CEP170B: variants seen among roughly 807,000 people sequenced by gnomAD.
CEP170B encodes the protein centrosomal protein of 170 kDa protein B.
In CEP170B, 55 loss-of-function variants were observed where a neutral mutation model predicts 120.6. That is an observed-to-expected ratio of 0.46 (90% confidence interval 0.37 to 0.57). The LOEUF (loss-of-function observed/expected upper bound fraction) is 0.57. Among genes scored for constraint, CEP170B ranks in the 20% least tolerant of loss-of-function variants. The probability of loss-of-function intolerance (pLI) is 0.00; values close to 1 mark genes in which losing one functional copy is unlikely to be tolerated. For missense variants in CEP170B, 2,212 were observed against 2,253.3 expected (o/e 0.98, Z 0.37); for synonymous variants, 1,033 against 954.5 (o/e 1.08, Z -1.52).
Position 104,872,357 on chromosome 14 carries a change from TGCC to T in CEP170B, c.105+3805_105+3807del, listed in dbSNP as rs1329440742. On this transcript the variant is annotated intron_variant, in intron 2 of 18. Coordinates refer to ENST00000414716, the MANE Select transcript of CEP170B (RefSeq NM_001112726.3). ...GGGTGTGCGTGTGTGTGCGTGTGTG[TGCC>T]GCGTGTGTGTGCCATGGGTGTGCAT... Among the ~76,000 whole-genome samples the T allele has an allele frequency of 7.1e-4, 61 of 85,668 alleles. 2 individuals are homozygous for T. Among genetic ancestry groups the T allele is most frequent in the Middle Eastern group, 8.2e-3 (1 of 122 alleles). The allele number at this position is 85,668 out of a possible 152,430, so 56.2% of individuals were successfully genotyped here. A position where few individuals can be genotyped will look rare whatever the true frequency, so the allele number is the denominator to read the frequency against.
Position 104,868,657 on chromosome 14 carries a change from G to T in CEP170B, c.105+102G>T. Reference sequence around the variant, plus strand: ...CCCACTTGCTGCAGGCCACCCTGGCGAGGAGGCCGCCATGCAGCCCAGGCT... The same window carrying T: ...CCCACTTGCTGCAGGCCACCCTGGCTAGGAGGCCGCCATGCAGCCCAGGCT... On this transcript the variant is annotated intron_variant, in intron 2 of 18. Coordinates refer to ENST00000414716, the MANE Select transcript of CEP170B (RefSeq NM_001112726.3). This position sits in a 1 kb window ranked among gnomAD's most constrained non-coding sequence, Gnocchi z 5.9. 2 of 1,147,516 alleles carry T rather than the reference G, an allele frequency of 1.7e-6. No individual in the cohort carries two copies. The highest frequency in any genetic ancestry group is 2.5e-6 in the Non-Finnish European group (2 of 816,304). The allele number at this position is 1,147,516 out of a possible 1,614,324, so 71.1% of individuals were successfully genotyped here.
At position 104,889,630 on chromosome 14, in the gene CEP170B, C is replaced by T; in HGVS notation, c.3750C>T (p.Thr1250=). The T allele has an allele frequency of 3.1e-6, 5 of 1,611,496 alleles. No homozygotes were observed. The highest frequency in any genetic ancestry group is 4.2e-6 in the Non-Finnish European group (5 of 1,179,752). ...CCCACACCTCAACAGCCACTCAGACCCCGAGGGCTGGCAGCTCCAGCCGGG... is the reference window on the plus strand; with the variant it reads ...CCCACACCTCAACAGCCACTCAGACTCCGAGGGCTGGCAGCTCCAGCCGGG... ...GSARYTSTTQ[T]PRAGSSSRAR... is the part of the protein sequence containing the mutation. The change falls in exon 13 of 19, where the codon ACC becomes ACT. Residue 1250 remains threonine, a synonymous_variant. Transcript: ENST00000414716.
Position 104,887,140 on chromosome 14 carries a change from C to G in CEP170B, c.2901C>G (p.Gly967=), listed in dbSNP as rs1308157889. The stretch of plus-strand genomic sequence containing the variant: ...CCAGCACCGTCAGCCTGCGTAGTGG[C>G]AAGAGCGGGCCCAGCCCCACAACCC... ...DTASTVSLRS[G]KSGPSPTTPQ... is the part of the protein sequence containing the mutation. Residue 967 remains glycine, a synonymous_variant, in exon 12 of 19, where the codon GGC becomes GGG. Transcript: ENST00000414716. 1 of 1,609,804 alleles carries G rather than the reference C, an allele frequency of 6.2e-7. No homozygotes were observed. Among genetic ancestry groups the G allele is most frequent in the African/African-American group, 1.3e-5 (1 of 74,914 alleles).
chr14:104,876,197 C>T, intron 2 of CEP170B, 59 bp from the exon 3 acceptor site: 1 of 1,504,632 alleles, frequency 6.6e-7, no homozygotes, highest in Middle Eastern at 1.7e-4. Flanking sequence ...GGTGCCTCTG[C>T]CTCTTGGGTG....
intron 15 of CEP170B, 25 bp from the exon 16 acceptor site, chr14:104,893,736 C>A: frequency 6.3e-7 from 1 of 1,596,784 alleles, no homozygotes; most frequent in Non-Finnish European, 8.5e-7. Context: ...GAGGGCGGGG[C>A]CATGCTGAGG....
chr14:104,894,073 G>A (rs1370286609), intron 16 of CEP170B: 4 of 651,640 alleles, frequency 6.1e-6, no homozygotes, highest in African/African-American at 5.4e-5. Context: ...TTCTCCCCTA[G>A]CCCTCATCCC....
chr14:104,868,400 C>T lies in CEP170B; in HGVS notation c.-27-24C>T. On this transcript the variant is annotated intron_variant, in intron 1 of 18. Transcript: ENST00000414716. The surrounding 1 kb of genome is among the most constrained non-coding windows in gnomAD (Gnocchi z 5.9). ...CTAAGAACCAGGCCAGGGAGCCCCA[C>T]TCTAACAATCCCCTCTTCCCCAGGG... The T allele has an allele frequency of 1.3e-6, 2 of 1,511,118 alleles. No homozygotes were observed. Among genetic ancestry groups the T allele is most frequent in the East Asian group, 2.5e-5 (1 of 40,712 alleles). 93.6% of individuals were successfully genotyped at this position (1,511,118 alleles called of 1,614,324 possible). A position where few individuals can be genotyped will look rare whatever the true frequency, so the allele number is the denominator to read the frequency against.
At chr14:104,877,860 C>CCG (rs1895944211) in intron 3 of CEP170B, 25 bp from the exon 4 acceptor site, 1 of 1,110,442 alleles carries the variant, frequency 9.0e-7, no homozygotes, top group Non-Finnish European at 1.3e-6. Context: ...CTCCCCCCCC[C>CCG]CCCCCGCCAC....
chr14:104,888,793 G>A (rs1258170021), intron 12 of CEP170B, among the ~76,000 whole-genome samples: 1 of 152,226 alleles, frequency 6.6e-6, no homozygotes, highest in Non-Finnish European at 1.5e-5. Context: ...CACCCCAACT[G>A]CTGGCTGCAC....
At chr14:104,872,051 A>G (rs1024223725) in intron 2 of CEP170B, among the ~76,000 whole-genome samples, 2 of 152,216 alleles carry the variant, frequency 1.3e-5, no homozygotes, top group South Asian at 2.1e-4. Context: ...ACGTGGACCC[A>G]GGCAGGACTT....
intron 9 of CEP170B, 58 bp downstream of exon 9, chr14:104,884,607 C>T (rs1175831217): frequency 1.6e-5 from 22 of 1,334,278 alleles, no homozygotes; most frequent in Middle Eastern, 2.4e-4. Flanking sequence ...GAGGCGATGC[C>T]GGGGGTGGCG....
intron 13 of CEP170B, among the ~76,000 whole-genome samples, chr14:104,890,162 A>G (rs1435650191): frequency 2.7e-4 from 12 of 45,250 alleles, no homozygotes; most frequent in Admixed American, 7.6e-4. Context: ...GGATGGATGC[A>G]TGGATGGATG....
chr14:104,878,848 C>G (rs1304912744), intron 5 of CEP170B, among the ~76,000 whole-genome samples: 1 of 152,244 alleles, frequency 6.6e-6, no homozygotes, highest in Non-Finnish European at 1.5e-5. Context: ...GCTTTCGGAG[C>G]TGCATCGCTG....
intron 15 of CEP170B, 21 bp downstream of exon 15, chr14:104,893,687 A>G (rs1469762924): frequency 1.9e-6 from 3 of 1,583,954 alleles, no homozygotes; most frequent in African/African-American, 1.3e-5. Context: ...CACTACCGCC[A>G]CGGAGCTGGG....
Position 104,895,071 on chromosome 14 carries a change from C to A in CEP170B, c.*113C>A. The stretch of plus-strand genomic sequence containing the variant: ...TTCTCCCTGAAGACCCCCACATGTG[C>A]CATATCCCTGTGGGCGGGTGCCTCC... On this transcript the variant is annotated 3_prime_UTR_variant, in exon 19 of 19. Transcript: ENST00000414716. 1 of 1,249,690 alleles carries A rather than the reference C, an allele frequency of 8.0e-7. No individual in the cohort carries two copies. Among genetic ancestry groups the A allele is most frequent in the Non-Finnish European group, 1.1e-6 (1 of 926,164 alleles). 77.4% of individuals were successfully genotyped at this position (1,249,690 alleles called of 1,614,324 possible).
chr14:104,889,436 G>T (rs1896678871), intron 12 of CEP170B, 184 bp from the exon 13 acceptor site: 1 of 1,458,280 alleles, frequency 6.9e-7, no homozygotes, highest in Non-Finnish European at 9.1e-7. Flanking sequence ...CCCTCTCCCA[G>T]AGGGACCCTG....
chr14:104,874,186 A>G (rs1342469520), intron 2 of CEP170B, among the ~76,000 whole-genome samples: 1 of 151,978 alleles, frequency 6.6e-6, no homozygotes, highest in African/African-American at 2.4e-5. Context: ...CTGTGTCTGG[A>G]GGCCTTCAGG....
In CEP170B at chr14:104,887,680, G is replaced by A; in HGVS notation, c.3441G>A (p.Leu1147=). Reference sequence around the variant, plus strand: ...CTGCGGATGGTGAGCGGGGGTCCCTGGGCAACCCTGAGCCCGTGGGCCGGC... The same window carrying A: ...CTGCGGATGGTGAGCGGGGGTCCCTAGGCAACCCTGAGCCCGTGGGCCGGC... ...TEAADGERGS[L]GNPEPVGRPA... The change falls in exon 12 of 19, where the codon CTG becomes CTA. Residue 1147 remains leucine, a synonymous_variant. Transcript: ENST00000414716. 6.3e-7 allele frequency: 1 copy of A among 1,578,330 alleles called. No homozygotes were observed. Among genetic ancestry groups the A allele is most frequent in the Non-Finnish European group, 8.6e-7 (1 of 1,164,510 alleles).
rs755628201 is a variant in CEP170B, at chr14:104,883,186, G to A, written c.729G>A (p.Pro243=). ...AGCCGTCGCAGCCCCCCGAGGTGCC[G>A]GCACACGAGATGCCCACGAAGGATG... is the stretch of plus-strand genomic sequence containing the variant. The part of the protein sequence containing the change: ...TPQPSQPPEV[P]AHEMPTKDAE... The change falls in exon 8 of 19, where the codon CCG becomes CCA. Residue 243 remains proline, a synonymous_variant. Transcript: ENST00000414716. 2.8e-5 allele frequency: 45 copies of A among 1,609,580 alleles called. No homozygotes were observed. The highest frequency in any genetic ancestry group is 3.6e-5 in the Non-Finnish European group (43 of 1,179,118).
Sources: gnomAD v4.1 joint callset for allele counts (sites outside exome capture counted in the v4.1 genomes callset) on GRCh38, gnomAD v4.1.1 for gene constraint, Gnocchi (gnomAD v3.1) non-coding constraint, MANE v1.5 for transcripts, NCBI Gene and HGNC (gene_info 2026-07-23, HGNC 2026-07-21) for gene names.